Variants in RAD51B observed in about 807,000 individuals in gnomAD.
The protein encoded by RAD51B is DNA repair protein RAD51 homolog 2.
RAD51B carries 38 observed loss-of-function variants against 42.2 expected under a neutral mutation model. The observed-to-expected ratio is 0.90, with a 90% confidence interval of 0.70 to 1.18. The LOEUF (loss-of-function observed/expected upper bound fraction) is 1.18, where lower values mean the gene tolerates loss of function less well. Ranked by LOEUF, RAD51B falls within the 50% of genes most tolerant of loss-of-function variation. The probability of loss-of-function intolerance (pLI) is 0.00; values close to 1 mark genes in which losing one functional copy is unlikely to be tolerated. For synonymous variants in RAD51B, 154 were observed against 145.2 expected, an observed-to-expected ratio of 1.06 and a Z score of -0.43; for missense variants, 373 against 400.7, an observed-to-expected ratio of 0.93 and a Z score of 0.59.
intron 7 of RAD51B, among the ~76,000 whole-genome samples, chr14:68,280,125 C>T (rs1029284924): frequency 9.2e-5 from 14 of 152,328 alleles, no homozygotes; most frequent in African/African-American, 1.4e-4. Flanking sequence ...TTTCCCTTGC[C>T]GGACCTACTG....
chr14:68,333,169 C>T (rs989149046), intron 8 of RAD51B, among the ~76,000 whole-genome samples: 8 of 152,126 alleles, frequency 5.3e-5, no homozygotes, highest in Admixed American at 1.3e-4. Context: ...GGGGCCATCC[C>T]GGGACTCCTG....
At chr14:68,517,835 A>G (rs1008715668) in intron 10 of RAD51B, among the ~76,000 whole-genome samples, 1 of 152,228 alleles carries the variant, frequency 6.6e-6, no homozygotes, top group Non-Finnish European at 1.5e-5. Flanking sequence ...TGTCAAAGGT[A>G]TATGGATATT....
At chr14:67,948,956 A>AAAAAAAAAAAGC (rs1211661771) in intron 7 of RAD51B, among the ~76,000 whole-genome samples, 1 of 150,764 alleles carries the variant, frequency 6.6e-6, no homozygotes, top group African/African-American at 2.4e-5. Context: ...AAAAAAAAAA[A>AAAAAAAAAAAGC]AAGCAATGTA....
intron 6 of RAD51B, among the ~76,000 whole-genome samples, chr14:67,886,393 T>A (rs1379404361): frequency 6.6e-6 from 1 of 152,160 alleles, no homozygotes; most frequent in Non-Finnish European, 1.5e-5. Context: ...GCAGTTATCT[T>A]AAGGCTTGAC....
At chr14:68,180,672 C>G (rs543227597) in intron 7 of RAD51B, among the ~76,000 whole-genome samples, 1 of 152,314 alleles carries the variant, frequency 6.6e-6, no homozygotes, top group East Asian at 1.9e-4. Flanking sequence ...GAATGCAAAA[C>G]TACTGCCTTA....
chr14:68,015,935 G>A lies in RAD51B; in HGVS notation c.756+128731G>A, dbSNP rs2075771582. Reference sequence around the variant, plus strand: ...GCAGGAAATAATCTCTCCTTTATTGGCATCCCTATATCATTTTGCCTTATG... The same window carrying A: ...GCAGGAAATAATCTCTCCTTTATTGACATCCCTATATCATTTTGCCTTATG... On this transcript the variant is annotated intron_variant, in intron 7 of 10. Coordinates refer to ENST00000471583, the MANE Select transcript of RAD51B (RefSeq NM_133510.4). Among the ~76,000 whole-genome samples the A allele has an allele frequency of 2.0e-5, 3 of 151,978 alleles. No individual in the cohort carries two copies. In the South Asian group the frequency reaches 6.2e-4, roughly 32 times the overall value.
chr14:68,621,228 A>C (rs1476543966), intron 10 of RAD51B, among the ~76,000 whole-genome samples: 1 of 152,164 alleles, frequency 6.6e-6, no homozygotes, highest in African/African-American at 2.4e-5. Flanking sequence ...TTCTCAATGG[A>C]AAGCAAAAGC....
chr14:68,058,136 T>C (rs921197702), intron 7 of RAD51B, among the ~76,000 whole-genome samples: 14 of 152,104 alleles, frequency 9.2e-5, no homozygotes, highest in African/African-American at 2.9e-4. Context: ...ATTTTATCTT[T>C]ATTGTATTTT....
chr14:68,637,947 T>G (rs143481329), intron 10 of RAD51B, among the ~76,000 whole-genome samples: 2 of 152,364 alleles, frequency 1.3e-5, no homozygotes, highest in Admixed American at 1.3e-4. Context: ...TTCTCTTTGC[T>G]TCTTACCATA....
chr14:68,331,086 G>A (rs1025081103), intron 8 of RAD51B, among the ~76,000 whole-genome samples: 10 of 152,012 alleles, frequency 6.6e-5, no homozygotes, highest in African/African-American at 1.2e-4. Context: ...ATAGCTGGCC[G>A]GGCGCGGTGG....
chr14:67,953,721 T>C (rs1289991749), intron 7 of RAD51B, among the ~76,000 whole-genome samples: 1 of 152,098 alleles, frequency 6.6e-6, no homozygotes, highest in African/African-American at 2.4e-5. Context: ...GAGCCATGAT[T>C]GTATGTGGGA....
rs190470492 is a variant in RAD51B, at chr14:68,095,849, G to A, written c.757-196035G>A. ...AAATTAGCCAGGCGTGGTGGCGGGCGCCTGGAGTCCCAGCTACTCGGGAGG... is the reference window on the plus strand; with the variant it reads ...AAATTAGCCAGGCGTGGTGGCGGGCACCTGGAGTCCCAGCTACTCGGGAGG... On this transcript the variant is annotated intron_variant, in intron 7 of 10. Coordinates refer to ENST00000471583, the MANE Select transcript of RAD51B (RefSeq NM_133510.4). Among the ~76,000 whole-genome samples, 175 of 151,760 alleles carry A rather than the reference G, an allele frequency of 1.2e-3. 1 individual carries two copies. The East Asian group carries it at 0.029, about 25-fold the overall frequency.
At chr14:68,497,292 A>G in intron 10 of RAD51B, 1 of 1,281,616 alleles carries the variant, frequency 7.8e-7, no homozygotes, top group Non-Finnish European at 1.0e-6. Context: ...AGCTTAAGTC[A>G]TGGAATTCTA....
At position 68,155,277 on chromosome 14, in the gene RAD51B, C is replaced by T. The variant is rs895828592; in HGVS notation, c.757-136607C>T. 5.9e-5 allele frequency among the ~76,000 whole-genome samples: 9 copies of T among 151,740 alleles called. 1 individual carries two copies. The highest frequency in any genetic ancestry group is 3.4e-3 in the Middle Eastern group (1 of 294). On this transcript the variant is annotated intron_variant, in intron 7 of 10. Transcript: ENST00000471583. Reference sequence around the variant, plus strand: ...CGTGATCTCAGCTCACTGCAAGCTCCGCCTCCCGGGTTCACGCCATTCTCC... The same window carrying T: ...CGTGATCTCAGCTCACTGCAAGCTCTGCCTCCCGGGTTCACGCCATTCTCC...
intron 7 of RAD51B, among the ~76,000 whole-genome samples, chr14:68,170,813 T>C (rs2078857024): frequency 6.6e-6 from 1 of 152,222 alleles, no homozygotes; most frequent in South Asian, 2.1e-4. Flanking sequence ...ATGATTATAA[T>C]TAGCAAGTTG....
Position 68,160,166 on chromosome 14 carries a change from T to A in RAD51B, c.757-131718T>A, listed in dbSNP as rs543155818. Among the ~76,000 whole-genome samples, 150 of 152,364 alleles carry A rather than the reference T, an allele frequency of 9.8e-4. 1 individual carries two copies. The highest frequency in any genetic ancestry group is 3.6e-3 in the African/African-American group (148 of 41,572). ...ATGCTGGGAAATGTAACATACTCACTGTGATTTGTTTTTAGACATCAAAAG... is the reference window on the plus strand; with the variant it reads ...ATGCTGGGAAATGTAACATACTCACAGTGATTTGTTTTTAGACATCAAAAG... On this transcript the variant is annotated intron_variant, in intron 7 of 10. Transcript: ENST00000471583.
intron 7 of RAD51B, among the ~76,000 whole-genome samples, chr14:68,231,528 T>C (rs918500511): frequency 3.3e-5 from 5 of 152,220 alleles, no homozygotes; most frequent in African/African-American, 1.2e-4. Flanking sequence ...TTTATTGACT[T>C]GTGTGCCAAA....
intron 10 of RAD51B, among the ~76,000 whole-genome samples, chr14:68,548,482 C>T (rs1333342583): frequency 6.6e-6 from 1 of 152,190 alleles, no homozygotes; most frequent in Non-Finnish European, 1.5e-5. Flanking sequence ...TGGGGGAGGA[C>T]GGCAGTTTGA....
At chr14:68,307,206 C>T (rs2081885188) in intron 8 of RAD51B, among the ~76,000 whole-genome samples, 1 of 152,124 alleles carries the variant, frequency 6.6e-6, no homozygotes, top group African/African-American at 2.4e-5. Context: ...TCCAGTGTGG[C>T]TCAAGGAAAT....
Sources: gnomAD v4.1 joint callset for allele counts (sites outside exome capture counted in the v4.1 genomes callset) on GRCh38, gnomAD v4.1.1 for gene constraint, MANE v1.5 for transcripts, NCBI Gene and HGNC (gene_info 2026-07-23, HGNC 2026-07-21) for gene names.